SEC31B: variants seen among roughly 807,000 people sequenced by gnomAD.
The protein encoded by SEC31B is SEC31 homolog B, COPII component.
SEC31B carries 113 observed loss-of-function variants against 135.0 expected under a neutral mutation model. The observed-to-expected ratio is 0.84, with a 90% CI of 0.72 to 0.98. The LOEUF is 0.98. Ranked by LOEUF, SEC31B falls within the 50% of genes least tolerant of loss-of-function variation. The pLI is 0.00. For synonymous variants in SEC31B, 508 were observed against 549.4 expected (o/e 0.92, Z 1.05); for missense variants, 1,296 against 1,421.1 (o/e 0.91, Z 1.42).
chr10:100,496,554 G>A, intron 17 of SEC31B, 123 bp from the exon 18 acceptor site: 1 of 979,648 alleles, frequency 1.0e-6, no homozygotes, highest in Non-Finnish European at 1.5e-6. Context: ...CCATACCTAG[G>A]TGAAGGCAGC....
intron 21 of SEC31B, 72 bp from the exon 22 acceptor site, chr10:100,489,833 G>C: frequency 8.7e-6 from 14 of 1,607,292 alleles, no homozygotes; most frequent in Non-Finnish European, 1.1e-5. Flanking sequence ...CTGAAGGCTG[G>C]AAGCATTCTT....
intron 11 of SEC31B, among the ~76,000 whole-genome samples, chr10:100,500,384 G>A (rs1245646374): frequency 4.0e-5 from 6 of 151,574 alleles, no homozygotes; most frequent in South Asian, 4.2e-4. Flanking sequence ...GCGCCATGTC[G>A]GCTCACTGCA....
intron 11 of SEC31B, among the ~76,000 whole-genome samples, chr10:100,500,880 C>T (rs1195298812): frequency 6.6e-6 from 1 of 152,096 alleles, no homozygotes; most frequent in Non-Finnish European, 1.5e-5. Flanking sequence ...AACCAGGAAC[C>T]ATCATGATGG....
At chr10:100,503,741 C>CTT (rs536397983) in intron 10 of SEC31B, among the ~76,000 whole-genome samples, 30,644 of 145,228 alleles carry the variant, frequency 0.21, 3,209 homozygotes, top group South Asian at 0.23. Flanking sequence ...TGGCCGACAA[C>CTT]TTTTTTTTTT....
chr10:100,498,731 G>C lies in SEC31B; in HGVS notation c.1658C>G (p.Thr553Ser). ...TTTTGTGATGGGGATCTCCCAAGGAGTCATGTTCTGAGGGACCAGCTCATC... is the reference window on the plus strand; with the variant it reads ...TTTTGTGATGGGGATCTCCCAAGGACTCATGTTCTGAGGGACCAGCTCATC... ...FFDELVPQNMTPWEIPITKDI... is the reference protein window; with the variant it reads ...FFDELVPQNMSPWEIPITKDI... Residue 553 changes from threonine (T) to serine (S), a missense_variant, in exon 14 of 26, where the codon ACT (threonine) becomes AGT (serine). Physicochemically the swap from Thr to Ser is moderately conservative, Grantham distance 58 (BLOSUM62 1). Transcript: ENST00000370345. 3 of 1,613,638 alleles carry C rather than the reference G, an allele frequency of 1.9e-6. No homozygotes were observed. In the South Asian group the frequency reaches 3.3e-5, roughly 18 times the overall value.
chr10:100,513,982 C>T (rs1264548046), intron 3 of SEC31B, among the ~76,000 whole-genome samples: 2 of 151,484 alleles, frequency 1.3e-5, no homozygotes, highest in African/African-American at 2.4e-5. Flanking sequence ...GTCAGGAGTT[C>T]GAGACCAGCC....
rs770744454 is a variant in SEC31B, at chr10:100,509,330, A to G, written c.385T>C (p.Leu129=). Reference sequence around the variant, plus strand: ...AAATGTAGTACCTGGAAAGGATTCAAGTCGAGGGCTCTGACAGCCCCCGTG... The same window carrying G: ...AAATGTAGTACCTGGAAAGGATTCAGGTCGAGGGCTCTGACAGCCCCCGTG... The part of the protein sequence containing the change: ...KHTGAVRALD[L]NPFQGNLLAS... The change falls in exon 4 of 26, where the codon TTG becomes CTG. Residue 129 remains leucine (L), a synonymous_variant. Coordinates refer to ENST00000370345, the MANE Select transcript of SEC31B (RefSeq NM_015490.4). The G allele has an allele frequency of 3.3e-5, 54 of 1,613,598 alleles. No individual in the cohort carries two copies. Among genetic ancestry groups the G allele is most frequent in the Non-Finnish European group, 4.6e-5 (54 of 1,179,986 alleles).
Position 100,498,016 on chromosome 10 carries a change from G to T in SEC31B, c.1863+13C>A, listed in dbSNP as rs199831454. ...AATCCCCTCCCTTCTTCTCCTGCAT[G>T]ATGGGCAGTTACCGAGGAGATTTTG... On this transcript the variant is annotated intron_variant, in intron 15 of 25. Coordinates refer to ENST00000370345, the MANE Select transcript of SEC31B (RefSeq NM_015490.4). 1 of 1,613,852 alleles carries T rather than the reference G, an allele frequency of 6.2e-7. No individual in the cohort carries two copies. Among genetic ancestry groups the T allele is most frequent in the East Asian group, 2.2e-5 (1 of 44,896 alleles).
intron 3 of SEC31B, among the ~76,000 whole-genome samples, chr10:100,515,602 C>T (rs1851818534): frequency 6.6e-6 from 1 of 152,254 alleles, no homozygotes; most frequent in Admixed American, 6.5e-5. Flanking sequence ...GTACAGAGCC[C>T]CTAGCACAGT....
Position 100,509,350 on chromosome 10 carries a change from C to G in SEC31B, c.365G>C (p.Gly122Ala), listed in dbSNP as rs759382222. The change falls in exon 4 of 26, where the codon GGG (glycine) becomes GCG (alanine). Residue 122 changes from glycine to alanine, a missense_variant. Transcript: ENST00000370345. ...ATTCAAGTCGAGGGCTCTGACAGCCCCCGTGTGCTTCTGTTTCTGAGCAAT... is the reference window on the plus strand; with the variant it reads ...ATTCAAGTCGAGGGCTCTGACAGCCGCCGTGTGCTTCTGTTTCTGAGCAAT... The part of the protein sequence containing the change: ...PVIAQKQKHT[G>A]AVRALDLNPF... The G allele has an allele frequency of 1.2e-6, 2 of 1,613,794 alleles. No individual in the cohort carries two copies. The highest frequency in any genetic ancestry group is 2.7e-5 in the African/African-American group (2 of 74,890).
chr10:100,507,772 G>A, intron 6 of SEC31B, 136 bp downstream of exon 6: 2 of 1,344,790 alleles, frequency 1.5e-6, no homozygotes, highest in Non-Finnish European at 2.1e-6. Flanking sequence ...ACTCTCAATA[G>A]GAAATGTGCT....
chr10:100,490,144 T>C lies in SEC31B; in HGVS notation c.2829A>G (p.Arg943=). ...TPRLFPLLPL[R]PLGPGRMVSH... is the part of the protein sequence containing the mutation. ...AGACCATGCGGCCGGGACCTAGTGG[T>C]CTCAGAGGAAGCAGAGGGAACAGTC... Residue 943 remains arginine, a synonymous_variant, in exon 21 of 26, where the codon AGA becomes AGG. Transcript: ENST00000370345. 1 of 1,596,914 alleles carries C rather than the reference T, an allele frequency of 6.3e-7. No homozygotes were observed. The highest frequency in any genetic ancestry group is 8.5e-7 in the Non-Finnish European group (1 of 1,172,210).
At chr10:100,492,748 G>C (rs1052354647) in intron 19 of SEC31B, among the ~76,000 whole-genome samples, 4 of 152,098 alleles carry the variant, frequency 2.6e-5, no homozygotes, top group Admixed American at 2.0e-4. Flanking sequence ...AAAATCAACT[G>C]CATTTCTATA....
rs764087758 is a variant in SEC31B at position 100,506,165 on chromosome 10, A to C, written c.919T>G (p.Phe307Val). ...TCCCGAGGGCACCACTGCACATCAA[A>C]GCACCAGCTGCTCTGTGTTGGTAGC... The part of the protein sequence containing the change: ...YKLPTQSSWC[F>V]DVQWCPRDPS... Residue 307 changes from phenylalanine (F) to valine (V), a missense_variant, in exon 9 of 26, where the codon TTT becomes GTT. Phe to Val is a conservative substitution (Grantham distance 50, BLOSUM62 -1). Coordinates refer to ENST00000370345, the MANE Select transcript of SEC31B (RefSeq NM_015490.4). The C allele has an allele frequency of 1.2e-6, 2 of 1,614,088 alleles. No individual in the cohort carries two copies. Among genetic ancestry groups the C allele is most frequent in the Non-Finnish European group, 1.7e-6 (2 of 1,180,046 alleles).
intron 3 of SEC31B, among the ~76,000 whole-genome samples, chr10:100,509,878 T>C (rs1287743366): frequency 6.6e-6 from 1 of 152,196 alleles, no homozygotes; most frequent in African/African-American, 2.4e-5. Context: ...CAGGTAATAA[T>C]AGCAACCACT....
In SEC31B at chr10:100,506,133, TG is replaced by T. The variant is rs1307054474; in HGVS notation, c.950del (p.Ser317Ter). 9 of 1,614,106 alleles carry T rather than the reference TG, an allele frequency of 5.6e-6. No homozygotes were observed. The Admixed American group carries it at 1.2e-4, about 21-fold the overall frequency. On this transcript the variant is annotated frameshift_variant, in exon 9 of 26. Coordinates refer to ENST00000370345, the MANE Select transcript of SEC31B (RefSeq NM_015490.4). LOFTEE classifies it high-confidence loss of function. Reference protein sequence around the residue: ...FDVQWCPRDPSVFSAASFNGW... With the variant: ...FDVQWCPRDPXVFSAASFNGW... The stretch of plus-strand genomic sequence containing the variant: ...CGTTGAAGGAGGCAGCAGAGAACAC[TG>T]AAGGGTCCCGAGGGCACCACTGCAC...
intron 9 of SEC31B, chr10:100,505,730 T>A (rs1489576185): frequency 3.2e-5 from 45 of 1,411,890 alleles, no homozygotes; most frequent in Non-Finnish European, 3.9e-5. Context: ...TGGCACAAAA[T>A]GGATCTATAG....
chr10:100,514,877 C>T (rs186792732), intron 3 of SEC31B, among the ~76,000 whole-genome samples: 8 of 147,808 alleles, frequency 5.4e-5, no homozygotes, highest in East Asian at 2.0e-4. Context: ...GCTACTCGGG[C>T]GGCTGAGGCA....
rs1363946481 is a variant in SEC31B, at chr10:100,502,238, C to T, written c.1410+16G>A. ...TGGGGAGACACTTCTGAGCAGCTAGCCTTCAGGCTTCCCACCTTCAGGAAC... is the reference window on the plus strand; with the variant it reads ...TGGGGAGACACTTCTGAGCAGCTAGTCTTCAGGCTTCCCACCTTCAGGAAC... On this transcript the variant is annotated intron_variant, in intron 11 of 25. Transcript: ENST00000370345. 4 of 1,604,132 alleles carry T rather than the reference C, an allele frequency of 2.5e-6. No homozygotes were observed. In the African/African-American group the frequency reaches 4.0e-5, roughly 16 times the overall value.
Sources: allele counts gnomAD v4.1 joint callset (sites outside exome capture counted in the v4.1 genomes callset), GRCh38; gene constraint gnomAD v4.1.1; transcripts MANE v1.5; gene names NCBI Gene and HGNC (gene_info 2026-07-23, HGNC 2026-07-21).